KCNT2: variants seen among roughly 807,000 people sequenced by gnomAD.
KCNT2 encodes the protein potassium channel subfamily T member 2.
In KCNT2, 67 loss-of-function variants were observed where a neutral mutation model predicts 153.8. The observed-to-expected ratio is 0.44, with a 90% CI of 0.36 to 0.53. The LOEUF is 0.53. Ranked by LOEUF, KCNT2 falls within the 20% of genes least tolerant of loss-of-function variation. The pLI is 0.00. For synonymous variants in KCNT2, 500 were observed against 458.8 expected (o/e 1.09, Z -1.15); for missense variants, 975 against 1,354.8 (o/e 0.72, Z 4.40).
intron 14 of KCNT2, among the ~76,000 whole-genome samples, chr1:196,369,774 C>T (rs543923213): frequency 1.1e-4 from 17 of 151,948 alleles, no homozygotes; most frequent in Admixed American, 2.0e-4. Flanking sequence ...TGAATAATGC[C>T]GCAATAAACA....
intron 8 of KCNT2, among the ~76,000 whole-genome samples, chr1:196,445,764 A>G (rs1230129609): frequency 1.3e-5 from 2 of 151,390 alleles, no homozygotes; most frequent in Admixed American, 6.6e-5. Context: ...TACAAACATA[A>G]CCATATGTGA....
chr1:196,508,050 C>A (rs749522192), intron 1 of KCNT2, among the ~76,000 whole-genome samples: 1 of 150,996 alleles, frequency 6.6e-6, no homozygotes, highest in African/African-American at 2.4e-5. Context: ...TAAATTGATT[C>A]GTGAAATTTA....
intron 5 of KCNT2, among the ~76,000 whole-genome samples, chr1:196,475,061 G>A (rs1678411344): frequency 6.6e-6 from 1 of 152,132 alleles, no homozygotes; most frequent in Admixed American, 6.6e-5. Context: ...ATTTTAGAAT[G>A]TCTAATTTCA....
chr1:196,319,801 C>T (rs148091027), intron 19 of KCNT2, among the ~76,000 whole-genome samples: 17 of 151,746 alleles, frequency 1.1e-4, no homozygotes, highest in South Asian at 2.1e-4. Context: ...GAAACATTAT[C>T]GCATAATTCT....
At chr1:196,517,466 A>G (rs1652734546) in intron 1 of KCNT2, among the ~76,000 whole-genome samples, 1 of 152,240 alleles carries the variant, frequency 6.6e-6, no homozygotes, top group African/African-American at 2.4e-5. Context: ...ATGGATAAGA[A>G]TGAAGATCAC....
At chr1:196,361,665 G>A (rs1248472974) in intron 14 of KCNT2, among the ~76,000 whole-genome samples, 3 of 152,062 alleles carry the variant, frequency 2.0e-5, no homozygotes, top group Non-Finnish European at 2.9e-5. Context: ...AAAGTCACCA[G>A]GTAGCTGGTG....
intron 8 of KCNT2, among the ~76,000 whole-genome samples, chr1:196,441,274 T>C (rs994075310): frequency 2.6e-5 from 4 of 151,704 alleles, no homozygotes; most frequent in Non-Finnish European, 5.9e-5. Context: ...TCTAGATTCA[T>C]GGCATATATC....
At chr1:196,600,173 A>ACGGTGCT (rs1664558773) in intron 1 of KCNT2, among the ~76,000 whole-genome samples, 1 of 152,160 alleles carries the variant, frequency 6.6e-6, no homozygotes, top group Non-Finnish European at 1.5e-5. Context: ...CAGAGAATCC[A>ACGGTGCT]ACATCATTTC....
chr1:196,522,001 C>A (rs1653494877), intron 1 of KCNT2, among the ~76,000 whole-genome samples: 1 of 151,008 alleles, frequency 6.6e-6, no homozygotes, highest in South Asian at 2.1e-4. Flanking sequence ...GTCAGGAATT[C>A]ATAAATAGAT....
chr1:196,451,217 C>CTTTTTTTTTTTTTTTTTTTTTTT (rs561944079), intron 8 of KCNT2, among the ~76,000 whole-genome samples: 31 of 63,562 alleles, frequency 4.9e-4, no homozygotes, highest in South Asian at 1.0e-3. Context: ...ATCCCTCTTT[C>CTTTTTTTTTTTTTTTTTTTTTTT]TTTTTTTTTT....
intron 19 of KCNT2, 37 bp from the exon 20 acceptor site, chr1:196,319,592 T>C: frequency 7.3e-7 from 1 of 1,375,454 alleles, no homozygotes; most frequent in Non-Finnish European, 1.0e-6. Flanking sequence ...AAACACAATG[T>C]CACAACAGTG....
intron 8 of KCNT2, 66 bp from the exon 9 acceptor site, chr1:196,429,823 T>A: frequency 8.5e-7 from 1 of 1,175,332 alleles, no homozygotes. Flanking sequence ...TCATCATTAT[T>A]CTTTTGAAAG....
chr1:196,458,909 A>G (rs996323717), intron 8 of KCNT2, among the ~76,000 whole-genome samples: 3 of 151,880 alleles, frequency 2.0e-5, no homozygotes, highest in African/African-American at 7.2e-5. Flanking sequence ...GAAATCATCT[A>G]ACACTTTCAT....
chr1:196,286,344 A>T (rs1349136382), intron 22 of KCNT2, among the ~76,000 whole-genome samples: 1 of 152,090 alleles, frequency 6.6e-6, no homozygotes, highest in East Asian at 1.9e-4. Flanking sequence ...CCCTTCTACC[A>T]TGTACCATCT....
chr1:196,406,962 GC>G (rs2148468208), intron 12 of KCNT2, among the ~76,000 whole-genome samples: 1 of 151,500 alleles, frequency 6.6e-6, no homozygotes, highest in South Asian at 2.1e-4. Context: ...CAATTCAAAA[GC>G]CTACTTTTTG....
At chr1:196,428,365 C>T (rs554335504) in intron 9 of KCNT2, 96 bp from the exon 10 acceptor site, 13 of 801,004 alleles carry the variant, frequency 1.6e-5, no homozygotes, top group Non-Finnish European at 2.4e-5. Context: ...TTTCAATTTC[C>T]TAGATGGAAC....
At chr1:196,427,001 CTT>C (rs1203463141) in intron 10 of KCNT2, among the ~76,000 whole-genome samples, 1 of 151,988 alleles carries the variant, frequency 6.6e-6, no homozygotes, top group Non-Finnish European at 1.5e-5. Flanking sequence ...AATTAAATCT[CTT>C]TTCTTTATAC....
intron 8 of KCNT2, among the ~76,000 whole-genome samples, chr1:196,448,417 C>A (rs867995178): frequency 9.9e-5 from 15 of 151,376 alleles, no homozygotes; most frequent in Middle Eastern, 3.4e-3. Flanking sequence ...AATGAAATTC[C>A]TGACTTCTGC....
At chr1:196,268,405 T>G (rs1288590300) in intron 25 of KCNT2, among the ~76,000 whole-genome samples, 4 of 152,300 alleles carry the variant, frequency 2.6e-5, no homozygotes, top group African/African-American at 9.6e-5. Flanking sequence ...GACATGAATT[T>G]CACTTTTCCA....
Sources: gnomAD v4.1 joint callset for allele counts (sites outside exome capture counted in the v4.1 genomes callset) on GRCh38, gnomAD v4.1.1 for gene constraint, MANE v1.5 for transcripts, NCBI Gene and HGNC (gene_info 2026-07-23, HGNC 2026-07-21) for gene names.